The following PLEKHA1 variants were observed in gnomAD, a reference collection of about 807,000 sequenced individuals.
PLEKHA1 encodes the protein pleckstrin homology domain containing A1.
In PLEKHA1, 34 loss-of-function variants were observed where a neutral mutation model predicts 52.0. That is an observed-to-expected ratio of 0.65 (90% CI 0.50 to 0.87). The LOEUF is 0.87. Among genes scored for constraint, PLEKHA1 ranks in the 40% least tolerant of loss-of-function variants. PLEKHA1 has a pLI of 0.00. For synonymous variants in PLEKHA1, 163 were observed against 170.7 expected (o/e 0.95, Z 0.35); for missense variants, 497 against 504.2 (o/e 0.99, Z 0.14).
At chr10:122,426,288 GTA>G (rs1328576289) in intron 10 of PLEKHA1, among the ~76,000 whole-genome samples, 58 of 143,218 alleles carry the variant, frequency 4.0e-4, no homozygotes, top group African/African-American at 1.4e-3. Context: ...TTGGCTACTT[GTA>G]TTTTTTTTTT....
chr10:122,389,779 T>C (rs2096751026), intron 1 of PLEKHA1, among the ~76,000 whole-genome samples: 1 of 152,190 alleles, frequency 6.6e-6, no homozygotes, highest in Admixed American at 6.5e-5. Flanking sequence ...TTATTCCATT[T>C]TTAGAGTACA....
chr10:122,417,882 T>C lies in PLEKHA1; in HGVS notation c.613-18T>C. 6.3e-7 allele frequency: 1 copy of C among 1,586,964 alleles called. No homozygotes were observed. The highest frequency in any genetic ancestry group is 8.6e-7 in the Non-Finnish European group (1 of 1,156,652). On this transcript the variant is annotated intron_variant, in intron 7 of 11. Transcript: ENST00000368990. ...TTCTTAGAAACACAAGTCTTATGTC[T>C]GTGTTCATCTCTGGTAGATGAAAAA...
intron 3 of PLEKHA1, among the ~76,000 whole-genome samples, chr10:122,398,775 C>G (rs1227700947): frequency 6.6e-6 from 1 of 152,060 alleles, no homozygotes; most frequent in Non-Finnish European, 1.5e-5. Context: ...GACCAATTTA[C>G]AAATGTGCCT....
At chr10:122,428,970 A>G (rs991343259) in intron 11 of PLEKHA1, among the ~76,000 whole-genome samples, 2 of 152,230 alleles carry the variant, frequency 1.3e-5, no homozygotes, top group Non-Finnish European at 2.9e-5. Context: ...TTAAAATGTG[A>G]TAAATGTGTA....
intron 2 of PLEKHA1, among the ~76,000 whole-genome samples, 153 bp from the exon 3 acceptor site, chr10:122,397,765 C>T (rs1169738854): frequency 1.3e-5 from 2 of 151,814 alleles, no homozygotes; most frequent in African/African-American, 4.8e-5. Flanking sequence ...GATTTCAGAC[C>T]TAGTAAAAAT....
intron 1 of PLEKHA1, among the ~76,000 whole-genome samples, chr10:122,375,793 G>T (rs1266116977): frequency 2.0e-5 from 3 of 152,136 alleles, no homozygotes; most frequent in African/African-American, 7.2e-5. Flanking sequence ...CAGTTTCTGC[G>T]TTTTCCTCGT....
At chr10:122,439,933 A>G in the PLEKHA1 span, 3 of 152,238 alleles carry the variant, frequency 2.0e-5, no homozygotes, top group African/African-American at 7.2e-5. Context: ...AGAAAATTAT[A>G]CATTTTATCT....
intron 2 of PLEKHA1, among the ~76,000 whole-genome samples, chr10:122,396,782 A>G (rs1471076458): frequency 6.6e-6 from 1 of 152,086 alleles, no homozygotes; most frequent in African/African-American, 2.4e-5. Context: ...GAAATCTTCT[A>G]TCAGTCTTTT....
chr10:122,440,722 G>T, the PLEKHA1 span: 1 of 152,122 alleles, frequency 6.6e-6, no homozygotes, highest in African/African-American at 2.4e-5. Flanking sequence ...AAAAGCCAAA[G>T]ACTTCAAAAT....
chr10:122,411,580 T>A (rs1423293563), intron 5 of PLEKHA1, among the ~76,000 whole-genome samples: 1 of 152,220 alleles, frequency 6.6e-6, no homozygotes, highest in Non-Finnish European at 1.5e-5. Context: ...TGTCTGGTGT[T>A]CTTGCTTAAA....
At chr10:122,410,855 C>T (rs2097097322) in intron 5 of PLEKHA1, among the ~76,000 whole-genome samples, 1 of 152,136 alleles carries the variant, frequency 6.6e-6, no homozygotes, top group African/African-American at 2.4e-5. Flanking sequence ...TGGGTCACCT[C>T]TTAGCAGCAC....
chr10:122,414,997 A>C (rs1343591977), intron 6 of PLEKHA1, among the ~76,000 whole-genome samples: 1 of 152,100 alleles, frequency 6.6e-6, no homozygotes, highest in Middle Eastern at 3.2e-3. Context: ...TCACATAAAA[A>C]CTTGTGCATG....
rs762504718 is a variant in PLEKHA1 at position 122,427,021 on chromosome 10, C to G, written c.890C>G (p.Ser297Cys). ...GTAGCACAGCGGGGTCCCGGCAGATCTGCGTCTTCTGTAGGTTTCCTGCTC... is the reference window on the plus strand; with the variant it reads ...GTAGCACAGCGGGGTCCCGGCAGATGTGCGTCTTCTGTAGGTTTCCTGCTC... ...AIVAQRGPGR[S>C]ASSEHPPGPS... The change falls in exon 11 of 12, where the codon TCT becomes TGT. Residue 297 changes from serine to cysteine, a missense_variant. Physicochemically the swap from Ser to Cys is moderately radical, Grantham distance 112. Coordinates refer to ENST00000368990, the MANE Select transcript of PLEKHA1 (RefSeq NM_001001974.4). The G allele has an allele frequency of 5.6e-6, 9 of 1,613,480 alleles. No homozygotes were observed. Among genetic ancestry groups the G allele is most frequent in the Non-Finnish European group, 7.6e-6 (9 of 1,179,424 alleles).
chr10:122,399,801 G>A (rs2096902589), intron 3 of PLEKHA1, among the ~76,000 whole-genome samples: 2 of 151,970 alleles, frequency 1.3e-5, no homozygotes, highest in Admixed American at 1.3e-4. Context: ...TGGCCAGGAT[G>A]GTCTTGATCT....
rs762772398 is a variant in PLEKHA1 at position 122,429,878 on chromosome 10, G to A, written c.1155G>A (p.Gln385=). 3.1e-6 allele frequency: 5 copies of A among 1,613,994 alleles called. No homozygotes were observed. Among genetic ancestry groups the A allele is most frequent in the Non-Finnish European group, 4.2e-6 (5 of 1,180,032 alleles). Residue 385 remains glutamine (Q), a synonymous_variant, in exon 12 of 12, where the codon CAG becomes CAA. Coordinates refer to ENST00000368990, the MANE Select transcript of PLEKHA1 (RefSeq NM_001001974.4). ...GACCTCAAAGTAAAAATGGCCCTCA[G>A]GAAAAAGATTGTGACCTAGTAGACT... is the stretch of plus-strand genomic sequence containing the variant. ...LLRPQSKNGP[Q]EKDCDLVDLD...
chr10:122,410,825 A>G (rs998760385), intron 5 of PLEKHA1, among the ~76,000 whole-genome samples: 2 of 152,170 alleles, frequency 1.3e-5, no homozygotes, highest in African/African-American at 4.8e-5. Flanking sequence ...TTCTTGAGAG[A>G]ATAACTGCTA....
intron 4 of PLEKHA1, among the ~76,000 whole-genome samples, chr10:122,401,127 G>C (rs1028433480): frequency 6.6e-6 from 1 of 152,140 alleles, no homozygotes; most frequent in Admixed American, 6.5e-5. Context: ...ACATGCAGAG[G>C]CTTGTGGGGA....
chr10:122,421,559 C>CA (rs1645714809), intron 8 of PLEKHA1: 1 of 152,012 alleles, frequency 6.6e-6, no homozygotes, highest in African/African-American at 2.4e-5. Context: ...GTCAGCAACT[C>CA]ACTCTGAAAT....
rs2097422064 is a variant in PLEKHA1, at chr10:122,432,313, AC to A, written c.*2376del. 1 of 152,190 alleles carries A rather than the reference AC, an allele frequency of 6.6e-6. No homozygotes were observed. The highest frequency in any genetic ancestry group is 6.5e-5 in the Admixed American group (1 of 15,268). 9.4% of individuals were successfully genotyped at this position (152,190 alleles called of 1,614,324 possible). A position where few individuals can be genotyped will look rare whatever the true frequency, so the allele number is the denominator to read the frequency against. On this transcript the variant is annotated 3_prime_UTR_variant, in exon 12 of 12. Transcript: ENST00000368990. ...TATCTTTATATGTCAAACTGGTTGA[AC>A]ACTGTAATGAGAATAAACTGCACAG...
Sources: gnomAD v4.1 joint callset for allele counts (sites outside exome capture counted in the v4.1 genomes callset) on GRCh38, gnomAD v4.1.1 for gene constraint, MANE v1.5 for transcripts, NCBI Gene and HGNC (gene_info 2026-07-23, HGNC 2026-07-21) for gene names.